Variants in DLGAP1 observed in about 807,000 individuals in gnomAD.
DLGAP1 encodes the protein DLG associated protein 1.
In DLGAP1, 11 loss-of-function variants were observed where a neutral mutation model predicts 90.8. The ratio of observed to expected loss-of-function variants is 0.12; its 90% CI spans 0.08 to 0.20. DLGAP1 has a LOEUF of 0.20. DLGAP1 is among the 10% of genes least tolerant of loss of function. The pLI, the probability that DLGAP1 is intolerant of heterozygous loss-of-function variation, is 1.00. For missense variants in DLGAP1, 1,050 were observed against 1,333.8 expected, an observed-to-expected ratio of 0.79 and a Z score of 3.31; for synonymous variants, 558 against 540.7, an observed-to-expected ratio of 1.03 and a Z score of -0.44.
chr18:4,437,538 C>T (rs562318911), intron 1 of DLGAP1, among the ~76,000 whole-genome samples: 2 of 151,496 alleles, frequency 1.3e-5, no homozygotes, highest in East Asian at 1.9e-4. Context: ...TGTTACACTG[C>T]GTTGTTTAGG....
chr18:3,547,170 G>A (rs1306215399), intron 9 of DLGAP1, among the ~76,000 whole-genome samples: 11 of 151,664 alleles, frequency 7.3e-5, no homozygotes, highest in South Asian at 4.2e-4. Context: ...GCGTGGTGGC[G>A]GGCGCCGGTA....
At chr18:4,380,395 T>C (rs1221386703) in intron 1 of DLGAP1, among the ~76,000 whole-genome samples, 2 of 152,160 alleles carry the variant, frequency 1.3e-5, no homozygotes, top group Non-Finnish European at 2.9e-5. Flanking sequence ...CTGCAGAATG[T>C]AAGTCTACCA....
At chr18:4,284,522 T>C (rs957584968) in intron 1 of DLGAP1, among the ~76,000 whole-genome samples, 4 of 152,168 alleles carry the variant, frequency 2.6e-5, no homozygotes, top group Non-Finnish European at 5.9e-5. Flanking sequence ...AGAAGGTGTG[T>C]CACGGGCACC....
At chr18:4,194,373 A>T (rs2077455534) in intron 1 of DLGAP1, among the ~76,000 whole-genome samples, 1 of 152,244 alleles carries the variant, frequency 6.6e-6, no homozygotes, top group Middle Eastern at 3.2e-3. Context: ...CTGAGATAAA[A>T]AGATTAAGAT....
At chr18:4,241,528 T>G (rs1007664961) in intron 1 of DLGAP1, among the ~76,000 whole-genome samples, 1 of 152,142 alleles carries the variant, frequency 6.6e-6, no homozygotes, top group Non-Finnish European at 1.5e-5. Context: ...TGGTCGCATA[T>G]GAAATGCAAA....
chr18:3,867,223 C>T (rs2070452897), intron 4 of DLGAP1, among the ~76,000 whole-genome samples: 1 of 152,070 alleles, frequency 6.6e-6, no homozygotes, highest in Admixed American at 6.5e-5. Flanking sequence ...AAGAGGAGCT[C>T]AGGAAGACTT....
intron 2 of DLGAP1, among the ~76,000 whole-genome samples, chr18:4,089,957 A>G (rs2143735936): frequency 6.6e-6 from 1 of 152,310 alleles, no homozygotes; most frequent in Non-Finnish European, 1.5e-5. Flanking sequence ...AGGCAGGAGA[A>G]TGGCGTGAAC....
chr18:4,304,378 C>A (rs1423341431), intron 1 of DLGAP1, among the ~76,000 whole-genome samples: 1 of 152,238 alleles, frequency 6.6e-6, no homozygotes, highest in African/African-American at 2.4e-5. Context: ...TAATTAGAAA[C>A]AATTATTCAA....
intron 1 of DLGAP1, among the ~76,000 whole-genome samples, chr18:4,348,680 C>T (rs536352442): frequency 2.0e-5 from 3 of 152,048 alleles, no homozygotes; most frequent in South Asian, 4.2e-4. Flanking sequence ...AAGATGAGCC[C>T]GCAAGATCTT....
At chr18:4,337,787 C>T (rs1429291384) in intron 1 of DLGAP1, among the ~76,000 whole-genome samples, 1 of 152,138 alleles carries the variant, frequency 6.6e-6, no homozygotes, top group East Asian at 1.9e-4. Flanking sequence ...CAAACCGCTA[C>T]TTTTATACTG....
intron 1 of DLGAP1, among the ~76,000 whole-genome samples, chr18:4,319,775 T>C (rs554922558): frequency 1.6e-4 from 24 of 152,316 alleles, no homozygotes; most frequent in African/African-American, 5.8e-4. Flanking sequence ...GCTTAGGCAA[T>C]AGTCACTGAA....
At chr18:3,505,836 G>T (rs1279651931) in intron 11 of DLGAP1, among the ~76,000 whole-genome samples, 1 of 151,992 alleles carries the variant, frequency 6.6e-6, no homozygotes, top group Non-Finnish European at 1.5e-5. Context: ...AATATGAGAA[G>T]CACATTTTAC....
At chr18:4,453,914 G>A (rs962018933) in intron 1 of DLGAP1, among the ~76,000 whole-genome samples, 1 of 152,098 alleles carries the variant, frequency 6.6e-6, no homozygotes, top group African/African-American at 2.4e-5. Flanking sequence ...CTTGCCGCCT[G>A]GCTACCTTTA....
chr18:4,035,903 C>T (rs1381836150), intron 2 of DLGAP1, among the ~76,000 whole-genome samples: 5 of 151,998 alleles, frequency 3.3e-5, no homozygotes. Flanking sequence ...ATTTTGGTGA[C>T]ATTCGATTCA....
At chr18:3,753,559 G>GAA (rs2063588033) in intron 5 of DLGAP1, among the ~76,000 whole-genome samples, 1 of 152,170 alleles carries the variant, frequency 6.6e-6, no homozygotes, top group Non-Finnish European at 1.5e-5. Flanking sequence ...CTGATATATT[G>GAA]CTGAGAATCT....
At chr18:4,421,794 C>T (rs918288654) in intron 1 of DLGAP1, among the ~76,000 whole-genome samples, 1 of 152,018 alleles carries the variant, frequency 6.6e-6, no homozygotes, top group South Asian at 2.1e-4. Flanking sequence ...CTGCAACCTC[C>T]GCCTCCTAGG....
chr18:3,564,214 A>G (rs1014277951), intron 9 of DLGAP1, among the ~76,000 whole-genome samples: 3 of 152,184 alleles, frequency 2.0e-5, no homozygotes, highest in South Asian at 4.1e-4. Flanking sequence ...GGTGTGTGTG[A>G]GGGAAAAGTG....
intron 9 of DLGAP1, among the ~76,000 whole-genome samples, chr18:3,557,454 G>A (rs989833318): frequency 4.0e-5 from 6 of 151,636 alleles, no homozygotes; most frequent in Non-Finnish European, 8.9e-5. Flanking sequence ...CTTGGGAGGC[G>A]GAGGTTGCAG....
chr18:4,363,164 A>T (rs1359102404), intron 1 of DLGAP1, among the ~76,000 whole-genome samples: 1 of 152,164 alleles, frequency 6.6e-6, no homozygotes, highest in Non-Finnish European at 1.5e-5. Context: ...TTGTGGAGAT[A>T]AAAAATGTAA....
Sources: allele counts gnomAD v4.1 joint callset (sites outside exome capture counted in the v4.1 genomes callset), GRCh38; gene constraint gnomAD v4.1.1; transcripts MANE v1.5; gene names NCBI Gene and HGNC (gene_info 2026-07-23, HGNC 2026-07-21).